Variants in PSMD5 observed in about 807,000 individuals in gnomAD.
The protein encoded by PSMD5 is 26S proteasome non-ATPase regulatory subunit 5.
A neutral mutation model predicts 52.1 loss-of-function variants in PSMD5; 40 were observed. That is an observed-to-expected ratio of 0.77 (90% CI 0.60 to 1.00). PSMD5 has a LOEUF of 1.00. Ranked by LOEUF, PSMD5 falls within the 50% of genes least tolerant of loss-of-function variation. The pLI is 0.00. For synonymous variants in PSMD5, 211 were observed against 226.6 expected (o/e 0.93, Z 0.62); for missense variants, 575 against 605.2 (o/e 0.95, Z 0.52).
At chr9:120,821,871 T>C (rs1456543503) in intron 7 of PSMD5, among the ~76,000 whole-genome samples, 1 of 152,236 alleles carries the variant, frequency 6.6e-6, no homozygotes, top group Non-Finnish European at 1.5e-5. Context: ...CTGAGTAATA[T>C]TCAATTGTAT....
chr9:120,831,952 GAA>G lies in PSMD5; in HGVS notation c.319-9_319-8del. On this transcript the variant is annotated splice_polypyrimidine_tract_variant and splice_region_variant and intron_variant, in intron 2 of 9. Coordinates refer to ENST00000210313, the MANE Select transcript of PSMD5 (RefSeq NM_005047.4). ...TTTCAACAATTCTTCCAATCTGAAAGAAAAACAATCAGAAACACTCTTCTAAA... is the reference window on the plus strand; with the variant it reads ...TTTCAACAATTCTTCCAATCTGAAAGAAACAATCAGAAACACTCTTCTAAA... 1 of 1,610,360 alleles carries G rather than the reference GAA, an allele frequency of 6.2e-7. No homozygotes were observed. The highest frequency in any genetic ancestry group is 1.3e-5 in the African/African-American group (1 of 74,884).
chr9:120,829,034 G>A, intron 5 of PSMD5, 65 bp downstream of exon 5: 1 of 1,447,398 alleles, frequency 6.9e-7, no homozygotes, highest in Admixed American at 2.5e-5. Flanking sequence ...AATCACAGAT[G>A]TCCCAAGGTT....
intron 5 of PSMD5, among the ~76,000 whole-genome samples, chr9:120,828,443 CTT>C (rs34354549): frequency 3.0e-5 from 4 of 132,526 alleles, no homozygotes; most frequent in African/African-American, 2.8e-5. Flanking sequence ...AGCTCATATT[CTT>C]TTTTTTTTTT....
At chr9:120,829,056 C>A in intron 5 of PSMD5, 43 bp downstream of exon 5, 1 of 1,511,106 alleles carries the variant, frequency 6.6e-7, no homozygotes, top group African/African-American at 1.4e-5. Context: ...TTTCCCAGCC[C>A]TTCAAAAGAG....
chr9:120,822,067 T>C (rs1474290937), intron 7 of PSMD5, among the ~76,000 whole-genome samples: 1 of 152,210 alleles, frequency 6.6e-6, no homozygotes, highest in African/African-American at 2.4e-5. Flanking sequence ...AAATATAAAA[T>C]GTACAAGGGT....
chr9:120,833,677 T>C (rs1369664669), intron 1 of PSMD5, among the ~76,000 whole-genome samples: 15 of 142,102 alleles, frequency 1.1e-4, no homozygotes, highest in Non-Finnish European at 1.8e-4. Context: ...GTCTTCTTTT[T>C]TTTTTTTTTT....
At chr9:120,838,625 C>G (rs1393233965) in intron 1 of PSMD5, among the ~76,000 whole-genome samples, 4 of 152,184 alleles carry the variant, frequency 2.6e-5, no homozygotes, top group Non-Finnish European at 5.9e-5. Context: ...CTGAATTATT[C>G]TGTCTTTAAA....
At position 120,821,441 on chromosome 9, in the gene PSMD5, T is replaced by C. The variant is rs781273984; in HGVS notation, c.1030A>G (p.Met344Val). Residue 344 changes from methionine (M) to valine (V), a missense_variant, in exon 8 of 10, where the codon ATG (methionine) becomes GTG (valine). Transcript: ENST00000210313. ...TTCTTTGATTGATGTCCTATTCTCA[T>C]AAGCAAGCGTTCAAAGCGAGTTCCT... is the stretch of plus-strand genomic sequence containing the variant. ...KTGTRFERLL[M>V]RIGHQSKNAP... The C allele has an allele frequency of 3.1e-6, 5 of 1,600,336 alleles. No homozygotes were observed. The African/African-American group carries it at 4.1e-5, about 13-fold the overall frequency.
chr9:120,829,534 C>T (rs2045146250), intron 4 of PSMD5, among the ~76,000 whole-genome samples: 1 of 152,168 alleles, frequency 6.6e-6, no homozygotes, highest in Non-Finnish European at 1.5e-5. Flanking sequence ...GCTGGGATTA[C>T]AGGCATGCAC....
intron 9 of PSMD5, among the ~76,000 whole-genome samples, chr9:120,819,802 T>C (rs1331225058): frequency 1.3e-5 from 2 of 152,016 alleles, no homozygotes; most frequent in East Asian, 1.9e-4. Flanking sequence ...CGCCACTGCA[T>C]TCCAGCCTGG....
At chr9:120,833,214 G>T in intron 2 of PSMD5, 98 bp downstream of exon 2, 1 of 1,353,668 alleles carries the variant, frequency 7.4e-7, no homozygotes, top group South Asian at 1.3e-5. Flanking sequence ...AAGAGGGAAG[G>T]AGAGAGAGAA....
chr9:120,836,201 A>G (rs1042712062), intron 1 of PSMD5, among the ~76,000 whole-genome samples: 9 of 152,292 alleles, frequency 5.9e-5, no homozygotes, highest in Middle Eastern at 6.8e-3. Context: ...ATATCCCATC[A>G]TATGTATATA....
intron 4 of PSMD5, 108 bp downstream of exon 4, chr9:120,831,223 C>T: frequency 8.3e-7 from 1 of 1,203,554 alleles, no homozygotes; most frequent in Non-Finnish European, 1.1e-6. Context: ...CCAGCACCTA[C>T]TGTAGGGCCA....
chr9:120,839,501 C>T (rs973104899), intron 1 of PSMD5, among the ~76,000 whole-genome samples: 7 of 152,072 alleles, frequency 4.6e-5, no homozygotes, highest in African/African-American at 9.7e-5. Flanking sequence ...AAAGAGGAGA[C>T]AAATAAGAGA....
intron 9 of PSMD5, among the ~76,000 whole-genome samples, chr9:120,818,681 C>G (rs1438316328): frequency 1.3e-5 from 2 of 151,042 alleles, no homozygotes; most frequent in African/African-American, 4.9e-5. Flanking sequence ...TATATTGTGG[C>G]TATTCAATGA....
At chr9:120,838,452 A>T (rs1241366835) in intron 1 of PSMD5, among the ~76,000 whole-genome samples, 5 of 152,198 alleles carry the variant, frequency 3.3e-5, no homozygotes, top group Non-Finnish European at 5.9e-5. Context: ...CTCAAAAAAA[A>T]CTGTCAAGAT....
chr9:120,821,203 T>C (rs1205743642), intron 8 of PSMD5, 152 bp downstream of exon 8: 9 of 697,006 alleles, frequency 1.3e-5, no homozygotes, highest in Non-Finnish European at 2.1e-5. Context: ...GTTCTAACAC[T>C]CTATGATTCC....
At chr9:120,841,289 A>C (rs889571018) in intron 1 of PSMD5, among the ~76,000 whole-genome samples, 3 of 152,044 alleles carry the variant, frequency 2.0e-5, no homozygotes, top group Non-Finnish European at 2.9e-5. Context: ...ATTCAACAAC[A>C]CAGAGATTGG....
intron 9 of PSMD5, among the ~76,000 whole-genome samples, chr9:120,818,772 A>C (rs1456710997): frequency 1.3e-5 from 2 of 151,920 alleles, no homozygotes; most frequent in African/African-American, 4.8e-5. Context: ...AAAAAAAAGC[A>C]AAAACTGCAA....
Sources: allele counts gnomAD v4.1 joint callset (sites outside exome capture counted in the v4.1 genomes callset), GRCh38; gene constraint gnomAD v4.1.1; transcripts MANE v1.5; gene names NCBI Gene and HGNC (gene_info 2026-07-23, HGNC 2026-07-21).